SLC9A9: variants seen among roughly 807,000 people sequenced by gnomAD.
SLC9A9 encodes the protein sodium/hydrogen exchanger 9.
In SLC9A9, 62 loss-of-function variants were observed where a neutral mutation model predicts 77.8. The observed-to-expected ratio is 0.80, with a 90% CI of 0.65 to 0.98. SLC9A9 has a LOEUF of 0.98. Among genes scored for constraint, SLC9A9 ranks in the 50% least tolerant of loss-of-function variants. SLC9A9 has a pLI of 0.00. For missense variants in SLC9A9, 775 were observed against 774.9 expected (o/e 1.00, Z 0.00); for synonymous variants, 320 against 283.5 (o/e 1.13, Z -1.29).
chr3:143,790,852 T>C (rs1353821320), intron 4 of SLC9A9, among the ~76,000 whole-genome samples: 1 of 152,234 alleles, frequency 6.6e-6, no homozygotes, highest in Non-Finnish European at 1.5e-5. Context: ...TCTTTAAATA[T>C]TTTTGAAACT....
At chr3:143,520,142 A>C (rs1305055967) in intron 9 of SLC9A9, among the ~76,000 whole-genome samples, 1 of 152,218 alleles carries the variant, frequency 6.6e-6, no homozygotes, top group Non-Finnish European at 1.5e-5. Context: ...ATCCAAGGGC[A>C]TCCTATAGTC....
At chr3:143,387,233 C>T (rs1295917515) in intron 12 of SLC9A9, among the ~76,000 whole-genome samples, 2 of 151,560 alleles carry the variant, frequency 1.3e-5, no homozygotes, top group African/African-American at 4.9e-5. Context: ...CAAGGAGAAA[C>T]AAGGAAGAGG....
chr3:143,367,203 T>G (rs2032931127), intron 13 of SLC9A9, among the ~76,000 whole-genome samples: 1 of 152,218 alleles, frequency 6.6e-6, no homozygotes, highest in Admixed American at 6.5e-5. Context: ...CAACATACAT[T>G]AGGTAGTATT....
intron 2 of SLC9A9, among the ~76,000 whole-genome samples, chr3:143,827,514 A>G (rs1398626271): frequency 6.6e-6 from 1 of 152,234 alleles, no homozygotes; most frequent in African/African-American, 2.4e-5. Flanking sequence ...ATGGCATAAA[A>G]TCACAGTACA....
At chr3:143,433,436 G>T (rs2034564632) in intron 12 of SLC9A9, among the ~76,000 whole-genome samples, 1 of 152,168 alleles carries the variant, frequency 6.6e-6, no homozygotes, top group Non-Finnish European at 1.5e-5. Flanking sequence ...AGATCAAGGA[G>T]ATTCATTACC....
At chr3:143,833,749 C>T (rs1449238862) in intron 1 of SLC9A9, among the ~76,000 whole-genome samples, 1 of 152,176 alleles carries the variant, frequency 6.6e-6, no homozygotes, top group Non-Finnish European at 1.5e-5. Context: ...TGGTTCTTAC[C>T]AGTGGAAGAA....
chr3:143,832,785 T>G (rs1165539825), intron 1 of SLC9A9, among the ~76,000 whole-genome samples: 1 of 151,640 alleles, frequency 6.6e-6, no homozygotes, highest in Non-Finnish European at 1.5e-5. Context: ...GCCAATATAC[T>G]GAGGAGGGTA....
rs2007287200 is a variant in SLC9A9 at position 143,765,550 on chromosome 3, C to A, written c.533+29451G>T. Among the ~76,000 whole-genome samples the A allele has an allele frequency of 3.3e-5, 5 of 152,172 alleles. No homozygotes were observed. The South Asian group carries it at 1.0e-3, about 32-fold the overall frequency. On this transcript the variant is annotated intron_variant, in intron 4 of 15. Transcript: ENST00000316549. ...ACACATAATTTATATACTAGTTGTT[C>A]TTTATTGCAAAAGAAAGCATCAATT...
At chr3:143,672,992 A>T (rs1468593035) in intron 5 of SLC9A9, among the ~76,000 whole-genome samples, 1 of 152,176 alleles carries the variant, frequency 6.6e-6, no homozygotes, top group Non-Finnish European at 1.5e-5. Flanking sequence ...GATTATCAAC[A>T]CCATCAAAGG....
chr3:143,360,826 C>G (rs918570023), intron 14 of SLC9A9, among the ~76,000 whole-genome samples: 1 of 152,158 alleles, frequency 6.6e-6, no homozygotes, highest in Non-Finnish European at 1.5e-5. Flanking sequence ...TCTGGCTAGA[C>G]TACTCAGTTA....
intron 2 of SLC9A9, among the ~76,000 whole-genome samples, chr3:143,799,533 A>G (rs1299441965): frequency 6.6e-6 from 1 of 152,198 alleles, no homozygotes; most frequent in Admixed American, 6.5e-5. Flanking sequence ...GTTCTTCCAG[A>G]ACCTCCTCAT....
intron 4 of SLC9A9, among the ~76,000 whole-genome samples, chr3:143,708,774 A>G (rs1934063955): frequency 6.6e-6 from 1 of 152,126 alleles, no homozygotes; most frequent in Non-Finnish European, 1.5e-5. Context: ...CCATGTACCC[A>G]TTACCCAGTC....
In SLC9A9 at chr3:143,565,709, G is replaced by GT. The variant is rs1553767154; in HGVS notation, c.1000+8378dup. 1.3e-3 allele frequency among the ~76,000 whole-genome samples: 186 copies of GT among 147,952 alleles called. 2 individuals carry two copies. The highest frequency in any genetic ancestry group is 4.5e-3 in the African/African-American group (181 of 40,186). ...AACGCCTAATATTTTGAGCCTCAGGGTTTTGTTTTTTTTTTTCCAGCTTGG... is the reference window on the plus strand; with the variant it reads ...AACGCCTAATATTTTGAGCCTCAGGGTTTTTGTTTTTTTTTTTCCAGCTTGG... On this transcript the variant is annotated intron_variant, in intron 8 of 15. Coordinates refer to ENST00000316549, the MANE Select transcript of SLC9A9 (RefSeq NM_173653.4).
intron 4 of SLC9A9, among the ~76,000 whole-genome samples, chr3:143,727,806 C>T (rs892522656): frequency 6.6e-6 from 1 of 152,238 alleles, no homozygotes; most frequent in African/African-American, 2.4e-5. Context: ...ATTACTTTTG[C>T]TCACCACTGT....
intron 4 of SLC9A9, among the ~76,000 whole-genome samples, chr3:143,781,328 A>G (rs2007876067): frequency 6.6e-6 from 1 of 152,250 alleles, no homozygotes; most frequent in Non-Finnish European, 1.5e-5. Context: ...AATTGTTTCA[A>G]TAAAAGTAAA....
intron 2 of SLC9A9, among the ~76,000 whole-genome samples, chr3:143,825,014 T>C (rs187094423): frequency 7.2e-5 from 11 of 152,314 alleles, no homozygotes; most frequent in Non-Finnish European, 1.3e-4. Flanking sequence ...ATTGTCATGA[T>C]AGAGAAACAC....
intron 5 of SLC9A9, among the ~76,000 whole-genome samples, chr3:143,657,722 A>AT (rs1383008173): frequency 1.3e-5 from 2 of 152,126 alleles, no homozygotes; most frequent in Admixed American, 6.5e-5. Flanking sequence ...CACTTTTCTA[A>AT]TTTTTTTGTT....
chr3:143,818,824 G>C (rs1028422682), intron 2 of SLC9A9, among the ~76,000 whole-genome samples: 2 of 152,016 alleles, frequency 1.3e-5, no homozygotes, highest in African/African-American at 4.8e-5. Context: ...GCTCATGCCT[G>C]TAATCCCAGC....
intron 6 of SLC9A9, among the ~76,000 whole-genome samples, chr3:143,598,686 C>T (rs73146800): frequency 0.025 from 3,869 of 152,340 alleles, 79 homozygotes; most frequent in Non-Finnish European, 0.042. Flanking sequence ...CCCGTGGCCT[C>T]CTACCTACAT....
Sources: gnomAD v4.1 joint callset for allele counts (sites outside exome capture counted in the v4.1 genomes callset) on GRCh38, gnomAD v4.1.1 for gene constraint, MANE v1.5 for transcripts, NCBI Gene and HGNC (gene_info 2026-07-23, HGNC 2026-07-21) for gene names.